TAFA2: variants seen among roughly 807,000 people sequenced by gnomAD.
TAFA2 encodes the protein chemokine-like protein TAFA-2.
A neutral mutation model predicts 18.8 loss-of-function variants in TAFA2; 7 were observed. The ratio of observed to expected loss-of-function variants is 0.37; its 90% CI spans 0.21 to 0.70. The LOEUF is 0.70. TAFA2 is among the 30% of genes least tolerant of loss of function. TAFA2 has a pLI of 0.53. For synonymous variants in TAFA2, 60 were observed against 54.2 expected (o/e 1.11, Z -0.47); for missense variants, 122 against 158.1 (o/e 0.77, Z 1.23).
intron 1 of TAFA2, among the ~76,000 whole-genome samples, chr12:61,982,840 T>C (rs1879682520): frequency 7.6e-6 from 1 of 131,860 alleles, no homozygotes; most frequent in African/African-American, 2.9e-5. Flanking sequence ...CAGATTGCCT[T>C]CCAGAATGAC....
intron 1 of TAFA2, among the ~76,000 whole-genome samples, chr12:62,111,946 G>C (rs545572732): frequency 1.3e-5 from 2 of 152,208 alleles, no homozygotes; most frequent in South Asian, 4.1e-4. Context: ...TATCCAATTT[G>C]CCAGTATGTG....
chr12:62,038,139 T>C (rs1881659179), intron 1 of TAFA2, among the ~76,000 whole-genome samples: 1 of 152,114 alleles, frequency 6.6e-6, no homozygotes, highest in Non-Finnish European at 1.5e-5. Context: ...ACAGACAAAG[T>C]AGCAGATGTA....
At chr12:61,955,569 T>C (rs1878624535) in intron 1 of TAFA2, among the ~76,000 whole-genome samples, 1 of 113,224 alleles carries the variant, frequency 8.8e-6, no homozygotes, top group Admixed American at 1.2e-4. Flanking sequence ...GCCACTGCAC[T>C]CCAGCCTGGC....
intron 2 of TAFA2, among the ~76,000 whole-genome samples, chr12:61,844,093 T>C (rs1317706224): frequency 6.6e-6 from 1 of 152,184 alleles, no homozygotes; most frequent in Non-Finnish European, 1.5e-5. Context: ...GATGACAGTT[T>C]TGTAAACTTG....
At chr12:61,760,407 AG>A (rs1869492308) in intron 2 of TAFA2, among the ~76,000 whole-genome samples, 1 of 105,786 alleles carries the variant, frequency 9.5e-6, no homozygotes, top group African/African-American at 3.5e-5. Flanking sequence ...TGTCAAGTGA[AG>A]TGAGATACTT....
intron 2 of TAFA2, among the ~76,000 whole-genome samples, chr12:61,851,974 G>GA (rs1392661798): frequency 6.6e-6 from 1 of 151,704 alleles, no homozygotes; most frequent in Non-Finnish European, 1.5e-5. Flanking sequence ...TTGGGAGGCC[G>GA]AGGGGGGCAG....
chr12:61,955,648 T>A (rs1592512318), intron 1 of TAFA2, among the ~76,000 whole-genome samples: 4 of 70,262 alleles, frequency 5.7e-5, no homozygotes, highest in African/African-American at 1.7e-4. Flanking sequence ...TATATATATA[T>A]ATATATATAT....
At chr12:61,975,753 G>C (rs1879410505) in intron 1 of TAFA2, among the ~76,000 whole-genome samples, 1 of 151,764 alleles carries the variant, frequency 6.6e-6, no homozygotes, top group Non-Finnish European at 1.5e-5. Flanking sequence ...TGTTGGTTAA[G>C]GGTACAAACT....
At chr12:61,849,306 A>G (rs1036577534) in intron 2 of TAFA2, among the ~76,000 whole-genome samples, 1 of 152,126 alleles carries the variant, frequency 6.6e-6, no homozygotes, top group African/African-American at 2.4e-5. Context: ...AACCCTAAAC[A>G]CTTCTGACTT....
intron 1 of TAFA2, among the ~76,000 whole-genome samples, chr12:62,055,567 G>A (rs1176332766): frequency 1.3e-5 from 2 of 151,716 alleles, no homozygotes; most frequent in African/African-American, 4.8e-5. Flanking sequence ...TAGAAAGATT[G>A]AAAAAAACAG....
At chr12:62,178,646 C>T (rs2062531305) in intron 1 of TAFA2, among the ~76,000 whole-genome samples, 1 of 152,188 alleles carries the variant, frequency 6.6e-6, no homozygotes, top group African/African-American at 2.4e-5. Flanking sequence ...CCAAGACTCA[C>T]AGGTATGACA....
intron 2 of TAFA2, among the ~76,000 whole-genome samples, chr12:61,842,760 A>T (rs773382242): frequency 2.6e-5 from 4 of 152,152 alleles, no homozygotes; most frequent in African/African-American, 4.8e-5. Context: ...AAACACTGGG[A>T]TAAAACCAAG....
intron 1 of TAFA2, among the ~76,000 whole-genome samples, chr12:62,070,999 T>C (rs188121310): frequency 5.3e-5 from 8 of 152,338 alleles, no homozygotes; most frequent in Admixed American, 4.6e-4. Flanking sequence ...CTGTTTAAGA[T>C]GCAAACTGCA....
At chr12:62,011,036 C>T (rs1880741779) in intron 1 of TAFA2, among the ~76,000 whole-genome samples, 2 of 147,366 alleles carry the variant, frequency 1.4e-5, no homozygotes, top group Admixed American at 1.3e-4. Flanking sequence ...GCCACCCCAT[C>T]TGGGAGGTGG....
chr12:62,193,260 AG>A (rs1214924531), upstream of TAFA2, among the ~76,000 whole-genome samples: 2 of 152,254 alleles, frequency 1.3e-5, no homozygotes, highest in Admixed American at 6.5e-5. Flanking sequence ...TCTGAAACAA[AG>A]AAAGGGAATG....
chr12:61,735,116 G>A (rs1181460935), intron 4 of TAFA2, among the ~76,000 whole-genome samples: 1 of 152,006 alleles, frequency 6.6e-6, no homozygotes, highest in African/African-American at 2.4e-5. Flanking sequence ...GTAGTAGGCA[G>A]GCACTAACAC....
intron 2 of TAFA2, among the ~76,000 whole-genome samples, chr12:61,772,269 A>T (rs1351601983): frequency 6.6e-6 from 1 of 152,020 alleles, no homozygotes; most frequent in East Asian, 1.9e-4. Context: ...CCAGGATCAG[A>T]TAAATTCACA....
intron 1 of TAFA2, among the ~76,000 whole-genome samples, chr12:62,059,416 C>T (rs1366213427): frequency 6.6e-6 from 1 of 152,062 alleles, no homozygotes; most frequent in Non-Finnish European, 1.5e-5. Flanking sequence ...GCATGAAGAA[C>T]AGTCTATTGA....
At chr12:62,133,574 G>A (rs556686369) in intron 1 of TAFA2, among the ~76,000 whole-genome samples, 5 of 152,128 alleles carry the variant, frequency 3.3e-5, no homozygotes, top group South Asian at 2.1e-4. Context: ...AAACAGTTCC[G>A]TTAAATACGT....
Sources: allele counts gnomAD v4.1 joint callset (sites outside exome capture counted in the v4.1 genomes callset), GRCh38; gene constraint gnomAD v4.1.1; transcripts MANE v1.5; gene names NCBI Gene and HGNC (gene_info 2026-07-23, HGNC 2026-07-21).